The following SPIDR variants were observed in gnomAD, a reference collection of about 807,000 sequenced individuals.
SPIDR encodes the protein DNA repair-scaffolding protein.
A neutral mutation model predicts 104.6 loss-of-function variants in SPIDR; 93 were observed. The observed-to-expected ratio is 0.89, with a 90% CI of 0.75 to 1.06. The LOEUF (loss-of-function observed/expected upper bound fraction) is 1.06. SPIDR is among the 50% of genes least tolerant of loss of function. SPIDR has a pLI of 0.00. For missense variants in SPIDR, 1,154 were observed against 1,111.2 expected (o/e 1.04, Z -0.55); for synonymous variants, 431 against 416.9 (o/e 1.03, Z -0.41).
chr8:47,380,728 G>A (rs2059235157), intron 5 of SPIDR, among the ~76,000 whole-genome samples: 1 of 152,164 alleles, frequency 6.6e-6, no homozygotes, highest in African/African-American at 2.4e-5. Flanking sequence ...AGGCAAGCCA[G>A]GTGGTTTTCA....
chr8:47,618,117 C>T (rs75297337), intron 10 of SPIDR, among the ~76,000 whole-genome samples: 71 of 152,296 alleles, frequency 4.7e-4, no homozygotes, highest in Non-Finnish European at 8.5e-4. Context: ...GCAGAGTTAA[C>T]ACGCTTTTGT....
chr8:47,416,414 G>C (rs1265401801), intron 7 of SPIDR, among the ~76,000 whole-genome samples: 1 of 152,086 alleles, frequency 6.6e-6, no homozygotes, highest in East Asian at 1.9e-4. Flanking sequence ...ACAGTTTGTT[G>C]AACTATTTGT....
intron 8 of SPIDR, chr8:47,592,373 G>A (rs146842356): frequency 7.8e-7 from 1 of 1,274,536 alleles, no homozygotes; most frequent in African/African-American, 1.5e-5. Context: ...TCTACATTAG[G>A]ATGATAAATT....
At chr8:47,498,938 C>T (rs1332319419) in intron 8 of SPIDR, among the ~76,000 whole-genome samples, 1 of 152,106 alleles carries the variant, frequency 6.6e-6, no homozygotes, top group Admixed American at 6.6e-5. Flanking sequence ...GCAATATGTA[C>T]CTATTTTGCT....
intron 2 of SPIDR, among the ~76,000 whole-genome samples, chr8:47,282,015 C>T (rs1436972851): frequency 6.6e-6 from 1 of 152,214 alleles, no homozygotes; most frequent in African/African-American, 2.4e-5. Flanking sequence ...TGTACTTCTC[C>T]ATCATAGCTC....
At chr8:47,314,862 A>G (rs1199416566) in intron 5 of SPIDR, among the ~76,000 whole-genome samples, 2 of 152,258 alleles carry the variant, frequency 1.3e-5, no homozygotes, top group African/African-American at 4.8e-5. Flanking sequence ...TACATTGGAT[A>G]GAAAACAAGA....
At chr8:47,278,161 C>T (rs1239811786) in intron 1 of SPIDR, among the ~76,000 whole-genome samples, 10 of 123,236 alleles carry the variant, frequency 8.1e-5, no homozygotes, top group Non-Finnish European at 1.2e-4. Flanking sequence ...ATTGTAGTTT[C>T]TTGCTTTTTG....
intron 5 of SPIDR, among the ~76,000 whole-genome samples, chr8:47,350,708 C>T (rs2053330085): frequency 6.6e-6 from 1 of 152,184 alleles, no homozygotes; most frequent in South Asian, 2.1e-4. Flanking sequence ...GACCACAGCC[C>T]TCATCATACT....
intron 11 of SPIDR, among the ~76,000 whole-genome samples, chr8:47,675,087 A>G (rs2076253693): frequency 6.6e-6 from 1 of 152,068 alleles, no homozygotes; most frequent in Non-Finnish European, 1.5e-5. Flanking sequence ...CCCAGGCTGG[A>G]GTGCAATGGC....
chr8:47,400,490 T>C (rs2061730298), intron 6 of SPIDR, among the ~76,000 whole-genome samples: 1 of 152,170 alleles, frequency 6.6e-6, no homozygotes, highest in East Asian at 1.9e-4. Flanking sequence ...GACTGCCTTG[T>C]CTGCTTTTGA....
intron 10 of SPIDR, among the ~76,000 whole-genome samples, chr8:47,629,463 G>T (rs1470756718): frequency 2.6e-5 from 4 of 152,128 alleles, no homozygotes; most frequent in Non-Finnish European, 5.9e-5. Context: ...AGAACTTTAG[G>T]TACAAAGGGC....
chr8:47,453,096 T>G (rs947676718), intron 8 of SPIDR, among the ~76,000 whole-genome samples: 2 of 152,026 alleles, frequency 1.3e-5, no homozygotes, highest in Non-Finnish European at 2.9e-5. Flanking sequence ...AAATCATGAG[T>G]GAACTCCCAC....
rs759114997 is a variant in SPIDR, at chr8:47,599,124, C to T, written c.1472C>T (p.Ser491Phe). Residue 491 changes from serine (S) to phenylalanine (F), a missense_variant, in exon 10 of 20, where the codon TCT (serine) becomes TTT (phenylalanine). Transcript: ENST00000297423. ...CGAGTGGTGGTGCAAAGAGTGTATTCTCTTCCCAGCAGAGACAGCACCAGG... is the reference window on the plus strand; with the variant it reads ...CGAGTGGTGGTGCAAAGAGTGTATTTTCTTCCCAGCAGAGACAGCACCAGG... ...GVRVVVQRVYSLPSRDSTRGQ... is the reference protein window; with the variant it reads ...GVRVVVQRVYFLPSRDSTRGQ... The T allele has an allele frequency of 8.1e-6, 13 of 1,613,246 alleles. 1 individual carries two copies. The highest frequency in any genetic ancestry group is 8.5e-6 in the Non-Finnish European group (10 of 1,179,694).
intron 5 of SPIDR, among the ~76,000 whole-genome samples, chr8:47,323,840 G>T (rs192551517): frequency 6.6e-6 from 1 of 152,150 alleles, no homozygotes; most frequent in Admixed American, 6.5e-5. Flanking sequence ...AGAACCCATG[G>T]ACACCTTTAT....
intron 10 of SPIDR, among the ~76,000 whole-genome samples, chr8:47,667,086 G>T (rs1189881695): frequency 1.3e-5 from 2 of 152,036 alleles, no homozygotes; most frequent in African/African-American, 4.8e-5. Flanking sequence ...TTCAAGACCA[G>T]CATGGCCAAC....
rs1209576576 is a variant in SPIDR at position 47,435,186 on chromosome 8, T to TG, written c.878-5131dup. The stretch of plus-strand genomic sequence containing the variant: ...TTTTATATTTTTATTTTTGTAAAGC[T>TG]GGGGGGTCTCACTGTGCTGCTCAGG... On this transcript the variant is annotated intron_variant, in intron 7 of 19. Coordinates refer to ENST00000297423, the MANE Select transcript of SPIDR (RefSeq NM_001080394.4). 5.9e-5 allele frequency among the ~76,000 whole-genome samples: 9 copies of TG among 152,106 alleles called. No homozygotes were observed. In the South Asian group the frequency reaches 6.2e-4, roughly 11 times the overall value.
At chr8:47,281,550 C>G (rs2037779354) in intron 2 of SPIDR, among the ~76,000 whole-genome samples, 3 of 152,186 alleles carry the variant, frequency 2.0e-5, no homozygotes, top group African/African-American at 7.2e-5. Flanking sequence ...GATTTTATCT[C>G]CAGAAACTAC....
At chr8:47,413,510 A>T (rs1034716597) in intron 7 of SPIDR, among the ~76,000 whole-genome samples, 23 of 152,348 alleles carry the variant, frequency 1.5e-4, no homozygotes, top group African/African-American at 5.1e-4. Flanking sequence ...GAGAATAACC[A>T]AATAGTCCAA....
At chr8:47,672,685 T>G (rs1157539714) in intron 10 of SPIDR, among the ~76,000 whole-genome samples, 1 of 152,240 alleles carries the variant, frequency 6.6e-6, no homozygotes, top group Non-Finnish European at 1.5e-5. Context: ...AGTTATTCTA[T>G]ATTTTCTATT....
Sources: allele counts gnomAD v4.1 joint callset (sites outside exome capture counted in the v4.1 genomes callset), GRCh38; gene constraint gnomAD v4.1.1; transcripts MANE v1.5; gene names NCBI Gene and HGNC (gene_info 2026-07-23, HGNC 2026-07-21).